CMIP: variants seen among roughly 807,000 people sequenced by gnomAD.
The protein encoded by CMIP is C-Maf-inducing protein.
In CMIP, 13 loss-of-function variants were observed where a neutral mutation model predicts 97.3. That is an observed-to-expected ratio of 0.13 (90% CI 0.09 to 0.21). The LOEUF (loss-of-function observed/expected upper bound fraction) is 0.21. Among genes scored for constraint, CMIP ranks in the 10% least tolerant of loss-of-function variants. CMIP has a pLI of 1.00. For missense variants in CMIP, 847 were observed against 1,024.9 expected, an observed-to-expected ratio of 0.83 and a Z score of 2.37; for synonymous variants, 538 against 436.3, an observed-to-expected ratio of 1.23 and a Z score of -2.91.
At chr16:81,463,447 T>C (rs1907008928) in intron 1 of CMIP, among the ~76,000 whole-genome samples, 1 of 152,248 alleles carries the variant, frequency 6.6e-6, no homozygotes, top group Non-Finnish European at 1.5e-5. Flanking sequence ...TTTTGTTTGC[T>C]TCATTACTCC....
chr16:81,662,577 G>T (rs749121387), intron 6 of CMIP, among the ~76,000 whole-genome samples: 15 of 152,176 alleles, frequency 9.9e-5, no homozygotes, highest in African/African-American at 2.7e-4. Flanking sequence ...AGCCTCCCGC[G>T]CTGCGTCCGC....
chr16:81,701,565 T>A, intron 15 of CMIP, 95 bp from the exon 16 acceptor site: 7 of 1,556,796 alleles, frequency 4.5e-6, no homozygotes, highest in Non-Finnish European at 6.2e-6. Context: ...ATAGTGGGGT[T>A]GCTGGTTTTC....
intron 1 of CMIP, among the ~76,000 whole-genome samples, chr16:81,566,291 C>G (rs1405083256): frequency 6.6e-6 from 1 of 152,206 alleles, no homozygotes; most frequent in African/African-American, 2.4e-5. Context: ...GCCTACCAGG[C>G]CCCGTACCTG....
At chr16:81,664,681 C>T in intron 7 of CMIP, 1 of 545,632 alleles carries the variant, frequency 1.8e-6, no homozygotes, top group South Asian at 2.9e-5. Context: ...CTTTGCACTC[C>T]TTTAGTGTGT....
chr16:81,669,912 A>T (rs866508435), intron 7 of CMIP, among the ~76,000 whole-genome samples: 1 of 152,344 alleles, frequency 6.6e-6, no homozygotes, highest in Middle Eastern at 3.4e-3. Context: ...TACAGCCAGA[A>T]GCACCTGCTC....
rs145396949 is a variant in CMIP, at chr16:81,690,290, T to C, written c.1389-1485T>C. On this transcript the variant is annotated intron_variant, in intron 10 of 20. Coordinates refer to ENST00000537098, the MANE Select transcript of CMIP (RefSeq NM_198390.3). Reference sequence around the variant, plus strand: ...TATTGATTCTTCCTATCCATGAGCATGGAATGTTCTTCCATTTCTTTGTGT... The same window carrying C: ...TATTGATTCTTCCTATCCATGAGCACGGAATGTTCTTCCATTTCTTTGTGT... 6.0e-3 allele frequency among the ~76,000 whole-genome samples: 918 copies of C among 152,354 alleles called. 14 individuals carry two copies. The highest frequency in any genetic ancestry group is 0.021 in the African/African-American group (879 of 41,584).
chr16:81,564,772 A>G lies in CMIP; in HGVS notation c.301-42795A>G, dbSNP rs57650666. Among the ~76,000 whole-genome samples the G allele has an allele frequency of 0.011, 1,744 of 152,312 alleles. 112 individuals carry two copies. The East Asian group carries it at 0.19, about 16-fold the overall frequency. On this transcript the variant is annotated intron_variant, in intron 1 of 20. Transcript: ENST00000537098. ...GGAAGAGTCAGCAAGTCGGGCACAC[A>G]ATAGGTGTTCGATGAATATTTGATG...
At position 81,701,739 on chromosome 16, in the gene CMIP, C is replaced by G. The variant is rs1037959313; in HGVS notation, c.1835C>G (p.Thr612Arg). 1.2e-6 allele frequency: 2 copies of G among 1,613,880 alleles called. No homozygotes were observed. Residue 612 changes from threonine to arginine, a missense_variant, in exon 16 of 21, where the codon ACA becomes AGA. By Grantham distance (71) the Thr-to-Arg change is moderately conservative. Coordinates refer to ENST00000537098, the MANE Select transcript of CMIP (RefSeq NM_198390.3). ...CAGATCATCTCAACCCTGGAGAGCA[C>G]AGACGTGGGGAAGCGCATGTACGAG... The part of the protein sequence containing the change: ...QLQIISTLES[T>R]DVGKRMYEQL...
At chr16:81,543,346 C>G (rs912420276) in intron 1 of CMIP, among the ~76,000 whole-genome samples, 2 of 152,158 alleles carry the variant, frequency 1.3e-5, no homozygotes, top group African/African-American at 2.4e-5. Context: ...TTGTTGGTCC[C>G]GTGAGAACAT....
At chr16:81,448,843 G>C (rs1364585813) in intron 1 of CMIP, among the ~76,000 whole-genome samples, 1 of 152,232 alleles carries the variant, frequency 6.6e-6, no homozygotes, top group Non-Finnish European at 1.5e-5. Flanking sequence ...GGGCCTGTCT[G>C]CCCAGGCTGT....
chr16:81,653,210 C>G (rs1351847925), intron 4 of CMIP, among the ~76,000 whole-genome samples: 1 of 152,206 alleles, frequency 6.6e-6, no homozygotes, highest in Admixed American at 6.5e-5. Flanking sequence ...AGCCACCAGA[C>G]TGATGCTTCT....
chr16:81,502,168 G>A (rs1049887324), intron 1 of CMIP, among the ~76,000 whole-genome samples: 56 of 152,312 alleles, frequency 3.7e-4, no homozygotes, highest in African/African-American at 1.3e-3. Flanking sequence ...TAGGAGGCAG[G>A]GCTGGGCTTC....
At chr16:81,532,362 T>C (rs892513897) in intron 1 of CMIP, among the ~76,000 whole-genome samples, 1 of 152,268 alleles carries the variant, frequency 6.6e-6, no homozygotes, top group East Asian at 1.9e-4. Context: ...CGCACAGATA[T>C]AATTGTCTTT....
At chr16:81,579,477 C>G (rs73596501) in intron 1 of CMIP, among the ~76,000 whole-genome samples, 7,881 of 152,266 alleles carry the variant, frequency 0.052, 620 homozygotes, top group African/African-American at 0.17. Flanking sequence ...TCACCTTGAG[C>G]CTCCTTCTTG....
At chr16:81,693,618 G>A (rs1252445517) in intron 13 of CMIP, 131 bp downstream of exon 13, 8 of 956,672 alleles carry the variant, frequency 8.4e-6, no homozygotes, top group Admixed American at 2.6e-5. Context: ...CATTGCCTGT[G>A]TATAAACACA....
At chr16:81,561,534 T>C (rs1265373316) in intron 1 of CMIP, among the ~76,000 whole-genome samples, 1 of 151,426 alleles carries the variant, frequency 6.6e-6, no homozygotes, top group African/African-American at 2.4e-5. Flanking sequence ...GGGGCTACTA[T>C]AGAGTGAGGG....
At chr16:81,670,454 C>T (rs981014726) in intron 8 of CMIP, among the ~76,000 whole-genome samples, 2 of 152,172 alleles carry the variant, frequency 1.3e-5, no homozygotes, top group Non-Finnish European at 2.9e-5. Context: ...CACGACCCCT[C>T]AGGCTGTAGG....
intron 3 of CMIP, chr16:81,630,694 G>GC (rs2092144799): frequency 6.6e-6 from 1 of 152,182 alleles, no homozygotes; most frequent in African/African-American, 2.4e-5. Flanking sequence ...CCCCTTCCAG[G>GC]CCCAGCCACC....
chr16:81,690,926 AAATAAT>A (rs1243709698), intron 10 of CMIP, among the ~76,000 whole-genome samples: 14 of 152,174 alleles, frequency 9.2e-5, no homozygotes, highest in Admixed American at 9.2e-4. Context: ...ACTGTGTCTC[AAATAAT>A]AATAATAAAT....
Sources: gnomAD v4.1 joint callset for allele counts (sites outside exome capture counted in the v4.1 genomes callset) on GRCh38, gnomAD v4.1.1 for gene constraint, MANE v1.5 for transcripts, NCBI Gene and HGNC (gene_info 2026-07-23, HGNC 2026-07-21) for gene names.